The following JMJD1C variants were observed in gnomAD, a reference collection of about 807,000 sequenced individuals.
The protein encoded by JMJD1C is jumonji domain-containing protein 1C.
In JMJD1C, 31 loss-of-function variants were observed where a neutral mutation model predicts 245.3. The observed-to-expected ratio is 0.13, with a 90% confidence interval of 0.09 to 0.17. JMJD1C has a LOEUF of 0.17. Ranked by LOEUF, JMJD1C falls within the 10% of genes least tolerant of loss-of-function variation. JMJD1C has a pLI of 1.00. For synonymous variants in JMJD1C, 1,057 were observed against 1,017.4 expected, an observed-to-expected ratio of 1.04 and a Z score of -0.74; for missense variants, 2,691 against 3,000.2, an observed-to-expected ratio of 0.90 and a Z score of 2.41.
At chr10:63,262,004 A>C (rs1854825438) in intron 3 of JMJD1C, among the ~76,000 whole-genome samples, 1 of 152,214 alleles carries the variant, frequency 6.6e-6, no homozygotes, top group African/African-American at 2.4e-5. Flanking sequence ...CTACTTAAAA[A>C]GTTTATAAAG....
At chr10:63,242,805 T>C (rs1851651092) in intron 3 of JMJD1C, among the ~76,000 whole-genome samples, 1 of 152,122 alleles carries the variant, frequency 6.6e-6, no homozygotes, top group Non-Finnish European at 1.5e-5. Flanking sequence ...CAAACAGACC[T>C]ATTTATTTTC....
At chr10:63,247,361 T>C (rs72829192) in intron 3 of JMJD1C, among the ~76,000 whole-genome samples, 1,584 of 152,050 alleles carry the variant, frequency 0.01, 25 homozygotes, top group Non-Finnish European at 0.015. Context: ...GATAAATTCA[T>C]GGACACACAA....
chr10:63,323,950 T>C (rs1409881829), intron 2 of JMJD1C, among the ~76,000 whole-genome samples: 1 of 151,668 alleles, frequency 6.6e-6, no homozygotes, highest in Non-Finnish European at 1.5e-5. Context: ...GGTTCAAGTC[T>C]GAAAAATGAA....
chr10:63,192,549 CAA>C (rs1404402849), intron 16 of JMJD1C, among the ~76,000 whole-genome samples: 6 of 152,140 alleles, frequency 3.9e-5, no homozygotes, highest in African/African-American at 7.2e-5. Context: ...GACTGGGCAA[CAA>C]GAGCAAAACT....
intron 1 of JMJD1C, among the ~76,000 whole-genome samples, chr10:63,464,363 A>G (rs1477471406): frequency 2.0e-5 from 3 of 152,232 alleles, no homozygotes; most frequent in African/African-American, 7.2e-5. Flanking sequence ...TAAAATAGGT[A>G]GGTAAAAAAT....
At chr10:63,285,800 C>T (rs1417455481) in intron 2 of JMJD1C, among the ~76,000 whole-genome samples, 1 of 152,104 alleles carries the variant, frequency 6.6e-6, no homozygotes, top group African/African-American at 2.4e-5. Flanking sequence ...ACTGTGGGAC[C>T]CTGTCTCAGA....
chr10:63,191,322 C>T (rs1045813389), intron 16 of JMJD1C, among the ~76,000 whole-genome samples: 2 of 152,038 alleles, frequency 1.3e-5, no homozygotes, highest in African/African-American at 2.4e-5. Flanking sequence ...TTAGTAGAGA[C>T]GGGGTTTCAT....
At chr10:63,473,569 T>C (rs1035642171) in intron 1 of JMJD1C, among the ~76,000 whole-genome samples, 3 of 152,022 alleles carry the variant, frequency 2.0e-5, no homozygotes, top group Admixed American at 2.0e-4. Flanking sequence ...CTTCTAGGAA[T>C]TACAGGTCAC....
intron 3 of JMJD1C, among the ~76,000 whole-genome samples, chr10:63,253,384 C>G (rs1212430379): frequency 6.6e-6 from 1 of 150,608 alleles, no homozygotes; most frequent in African/African-American, 2.4e-5. Flanking sequence ...CTTTATATTA[C>G]ACCTTTTTTT....
At chr10:63,438,382 T>C (rs904511174) in intron 1 of JMJD1C, among the ~76,000 whole-genome samples, 1 of 152,104 alleles carries the variant, frequency 6.6e-6, no homozygotes, top group South Asian at 2.1e-4. Context: ...ACCTCTACCA[T>C]TGCTATCACC....
chr10:63,381,803 A>C (rs543368138), intron 1 of JMJD1C, among the ~76,000 whole-genome samples: 4 of 152,284 alleles, frequency 2.6e-5, no homozygotes, highest in Non-Finnish European at 5.9e-5. Context: ...ATATCAAGTA[A>C]AGCAATTTAC....
intron 2 of JMJD1C, among the ~76,000 whole-genome samples, chr10:63,302,903 A>G (rs1197758728): frequency 6.6e-6 from 1 of 152,160 alleles, no homozygotes; most frequent in Non-Finnish European, 1.5e-5. Flanking sequence ...TTACATACAC[A>G]TATAGAGACT....
chr10:63,462,036 T>G (rs1952831883), intron 1 of JMJD1C, among the ~76,000 whole-genome samples: 2 of 152,114 alleles, frequency 1.3e-5, no homozygotes, highest in Non-Finnish European at 2.9e-5. Context: ...ACAGCAGTAA[T>G]GTCAAAAATG....
At chr10:63,326,457 C>T (rs1354347673) in intron 2 of JMJD1C, among the ~76,000 whole-genome samples, 1 of 151,772 alleles carries the variant, frequency 6.6e-6, no homozygotes, top group Admixed American at 6.6e-5. Context: ...CAATTTATTA[C>T]AATGGCAAGA....
At chr10:63,264,788 A>G (rs1564705723) in intron 2 of JMJD1C, 24 bp from the exon 3 acceptor site, 2 of 1,129,394 alleles carry the variant, frequency 1.8e-6, no homozygotes, top group Admixed American at 4.0e-5. Flanking sequence ...AAAAATTTCT[A>G]ATGATAATTT....
chr10:63,383,447 C>T (rs1018985547), intron 1 of JMJD1C, among the ~76,000 whole-genome samples: 6 of 151,590 alleles, frequency 4.0e-5, no homozygotes, highest in South Asian at 2.1e-4. Context: ...GCCTGTAATC[C>T]CACCACTTTG....
At chr10:63,298,938 T>C (rs1218554999) in intron 2 of JMJD1C, among the ~76,000 whole-genome samples, 1 of 151,860 alleles carries the variant, frequency 6.6e-6, no homozygotes, top group East Asian at 1.9e-4. Flanking sequence ...TCCATGTTGG[T>C]CAGGCTGGTC....
chr10:63,322,091 C>CT (rs1179430432), intron 2 of JMJD1C, among the ~76,000 whole-genome samples: 1 of 152,178 alleles, frequency 6.6e-6, no homozygotes, highest in African/African-American at 2.4e-5. Flanking sequence ...GATTTTCCCC[C>CT]AAAGCTTTCA....
intron 8 of JMJD1C, 126 bp from the exon 9 acceptor site, chr10:63,209,361 T>G: frequency 1.7e-6 from 1 of 603,710 alleles, no homozygotes; most frequent in Non-Finnish European, 2.5e-6. Flanking sequence ...GCAGTTTCTT[T>G]GGGAAACTTG....
Sources: allele counts gnomAD v4.1 joint callset (sites outside exome capture counted in the v4.1 genomes callset), GRCh38; gene constraint gnomAD v4.1.1; transcripts MANE v1.5; gene names NCBI Gene and HGNC (gene_info 2026-07-23, HGNC 2026-07-21).